Variants in PEMT observed in about 807,000 individuals in gnomAD.
PEMT encodes the protein phospholipid methyltransferase.
PEMT carries 23 observed loss-of-function variants against 27.4 expected under a neutral mutation model. The ratio of observed to expected loss-of-function variants is 0.84; its 90% CI spans 0.60 to 1.19. PEMT has a LOEUF of 1.19. Among genes scored for constraint, PEMT ranks in the 50% most tolerant of loss-of-function variants. PEMT has a pLI of 0.00. For missense variants in PEMT, 307 were observed against 310.1 expected, an observed-to-expected ratio of 0.99 and a Z score of 0.07; for synonymous variants, 137 against 139.1, an observed-to-expected ratio of 0.98 and a Z score of 0.11.
At chr17:17,545,682 A>G (rs1358427024) in intron 2 of PEMT, among the ~76,000 whole-genome samples, 2 of 152,176 alleles carry the variant, frequency 1.3e-5, no homozygotes, top group African/African-American at 4.8e-5. Flanking sequence ...CCTGCTTCCA[A>G]ACTTTTGCTC....
At chr17:17,586,301 G>T (rs1375716307) in intron 1 of PEMT, among the ~76,000 whole-genome samples, 1 of 122,418 alleles carries the variant, frequency 8.2e-6, no homozygotes. Flanking sequence ...AAAAAAAAAC[G>T]CAGGTGGAAA....
Position 17,506,212 on chromosome 17 carries a change from G to T in PEMT, c.653+15C>A. On this transcript the variant is annotated intron_variant, in intron 6 of 6. Transcript: ENST00000255389. The stretch of plus-strand genomic sequence containing the variant: ...TCGGGCAGCCACGCCCCCACCCGCC[G>T]CAGCCCCTACTCACTCTTCGTATAG... 1 of 1,544,342 alleles carries T rather than the reference G, an allele frequency of 6.5e-7. No homozygotes were observed.
chr17:17,578,402 G>A (rs1325994263), intron 1 of PEMT, among the ~76,000 whole-genome samples: 6 of 151,918 alleles, frequency 3.9e-5, no homozygotes, highest in Admixed American at 3.9e-4. Flanking sequence ...GGGAGGCCAA[G>A]GCAAGAGGAT....
intron 2 of PEMT, among the ~76,000 whole-genome samples, chr17:17,533,073 C>G (rs1018322179): frequency 2.0e-5 from 3 of 152,190 alleles, no homozygotes; most frequent in Admixed American, 6.5e-5. Context: ...GACTCACTTC[C>G]TGATTTCAAA....
At chr17:17,541,017 G>A (rs569906911) in intron 2 of PEMT, among the ~76,000 whole-genome samples, 7 of 152,322 alleles carry the variant, frequency 4.6e-5, no homozygotes, top group Admixed American at 4.6e-4. Context: ...CCCGTGCTGA[G>A]TCCAGCCACC....
intron 2 of PEMT, among the ~76,000 whole-genome samples, chr17:17,551,028 G>C (rs758201080): frequency 2.6e-5 from 4 of 152,190 alleles, no homozygotes; most frequent in Non-Finnish European, 5.9e-5. Context: ...GTTTAATTTA[G>C]CACTGTGCAT....
chr17:17,525,411 C>A (rs1907595335), intron 2 of PEMT, among the ~76,000 whole-genome samples: 2 of 152,342 alleles, frequency 1.3e-5, no homozygotes, highest in South Asian at 4.1e-4. Flanking sequence ...CCCAGAACTT[C>A]CTTCCCTGCC....
At chr17:17,540,683 G>A (rs932350737) in intron 2 of PEMT, among the ~76,000 whole-genome samples, 18 of 152,298 alleles carry the variant, frequency 1.2e-4, no homozygotes, top group Non-Finnish European at 1.0e-4. Context: ...CAGGGTCCCC[G>A]CAGCACAGCC....
intron 3 of PEMT, among the ~76,000 whole-genome samples, chr17:17,514,242 T>C (rs941581808): frequency 6.6e-6 from 1 of 152,232 alleles, no homozygotes; most frequent in Non-Finnish European, 1.5e-5. Flanking sequence ...CAGACATGTC[T>C]TTATGCCTCC....
chr17:17,512,069 G>A lies in PEMT; in HGVS notation c.466+440C>T, dbSNP rs1906450220. On this transcript the variant is annotated intron_variant, in intron 4 of 6. Transcript: ENST00000255389. The surrounding 1 kb of genome is among the most constrained non-coding windows in gnomAD (Gnocchi z 6.3). ...CACGGCACAAACCACAATCCTGCCT[G>A]GCCTGAGAGCCACGCGTGCCGGGAG... 6.6e-6 allele frequency among the ~76,000 whole-genome samples: 1 copy of A among 152,156 alleles called. No homozygotes were observed. Among genetic ancestry groups the A allele is most frequent in the South Asian group, 2.1e-4 (1 of 4,830 alleles).
In PEMT at chr17:17,591,664, T is replaced by C; in HGVS notation, c.-38A>G. ...TCAGGAGGCACCACGCGGGCCCCGC[T>C]GCAGCCACGCGCCCCCGGAACCGGA... On this transcript the variant is annotated 5_prime_UTR_variant, in exon 1 of 7. Coordinates refer to ENST00000255389, the MANE Select transcript of PEMT (RefSeq NM_148172.3). 6.3e-7 allele frequency: 1 copy of C among 1,591,158 alleles called. No individual in the cohort carries two copies. Among genetic ancestry groups the C allele is most frequent in the Non-Finnish European group, 8.6e-7 (1 of 1,169,426 alleles).
intron 3 of PEMT, among the ~76,000 whole-genome samples, chr17:17,517,088 G>A (rs1225092650): frequency 2.0e-5 from 3 of 152,190 alleles, no homozygotes; most frequent in Admixed American, 1.3e-4. Context: ...ACCAGGAGCT[G>A]GGCCTCAAGG....
chr17:17,569,562 C>A (rs1911051455), intron 2 of PEMT, among the ~76,000 whole-genome samples: 1 of 152,232 alleles, frequency 6.6e-6, no homozygotes, highest in Admixed American at 6.5e-5. Context: ...ACCGGCGTGA[C>A]CCCGTGTGCA....
At chr17:17,573,755 C>A (rs1217453206) in intron 2 of PEMT, among the ~76,000 whole-genome samples, 2 of 152,148 alleles carry the variant, frequency 1.3e-5, no homozygotes, top group Non-Finnish European at 2.9e-5. Flanking sequence ...TATTTAAGTG[C>A]TTCCCTGGTT....
chr17:17,579,953 G>C (rs958051986), intron 1 of PEMT, among the ~76,000 whole-genome samples: 6 of 152,322 alleles, frequency 3.9e-5, no homozygotes, highest in Admixed American at 1.3e-4. Flanking sequence ...CAGCCAACAA[G>C]GCCTGGCGCT....
chr17:17,532,910 C>A (rs1908201491), intron 2 of PEMT, among the ~76,000 whole-genome samples: 1 of 152,168 alleles, frequency 6.6e-6, no homozygotes, highest in African/African-American at 2.4e-5. Context: ...ATACGTAATC[C>A]CAGCTACTCG....
chr17:17,582,519 C>T lies in PEMT; in HGVS notation c.97-5492G>A. 4.9e-6 allele frequency: 3 copies of T among 608,934 alleles called. No homozygotes were observed. The highest frequency in any genetic ancestry group is 6.2e-6 in the Non-Finnish European group (3 of 486,170). The allele number at this position is 608,934 out of a possible 1,614,324, so 37.7% of individuals were successfully genotyped here. ...CAGGCAAAGTCACATCGATTCCAGG[C>T]CACACACCACACACAACAAAGGGCA... On this transcript the variant is annotated intron_variant, in intron 1 of 6. Transcript: ENST00000255389. This position sits in a 1 kb window ranked among gnomAD's most constrained non-coding sequence, Gnocchi z 4.9.
intron 2 of PEMT, among the ~76,000 whole-genome samples, chr17:17,539,732 T>G (rs1197117722): frequency 6.6e-6 from 1 of 152,222 alleles, no homozygotes; most frequent in Non-Finnish European, 1.5e-5. Flanking sequence ...ATTGCCCTCA[T>G]TCAGGGGCAC....
chr17:17,544,424 G>A (rs1431255456), intron 2 of PEMT, among the ~76,000 whole-genome samples: 1 of 151,950 alleles, frequency 6.6e-6, no homozygotes, highest in African/African-American at 2.4e-5. Context: ...GGGATTACAG[G>A]TGCCCACCAC....
Sources: allele counts gnomAD v4.1 joint callset (sites outside exome capture counted in the v4.1 genomes callset), GRCh38; gene constraint gnomAD v4.1.1; non-coding constraint Gnocchi (gnomAD v3.1); transcripts MANE v1.5; gene names NCBI Gene and HGNC (gene_info 2026-07-23, HGNC 2026-07-21).